The following BCAR3 variants were observed in gnomAD, a reference collection of about 807,000 sequenced individuals.
The protein encoded by BCAR3 is breast cancer anti-estrogen resistance protein 3.
A neutral mutation model predicts 80.1 loss-of-function variants in BCAR3; 37 were observed. The observed-to-expected ratio is 0.46, with a 90% confidence interval of 0.36 to 0.61. The LOEUF is 0.61. Among genes scored for constraint, BCAR3 ranks in the 20% least tolerant of loss-of-function variants. The pLI is 0.00. For missense variants in BCAR3, 978 were observed against 1,068.2 expected (o/e 0.92, Z 1.18); for synonymous variants, 389 against 418.9 (o/e 0.93, Z 0.87).
At chr1:93,763,300 G>A (rs11810655) in intron 2 of BCAR3, among the ~76,000 whole-genome samples, 2,716 of 152,216 alleles carry the variant, frequency 0.018, 71 homozygotes, top group African/African-American at 0.062. Flanking sequence ...CTTGCCTCAC[G>A]TGATCCTCCT....
rs556397355 is a variant in BCAR3 at position 93,649,252 on chromosome 1, G to A, written c.318-6909C>T. Among the ~76,000 whole-genome samples, 6 of 152,280 alleles carry A rather than the reference G, an allele frequency of 3.9e-5. No individual in the cohort carries two copies. In the East Asian group the frequency reaches 9.6e-4, roughly 24 times the overall value. ...GGAGTTCACCCAGGGGTGGGTTGGG[G>A]GACATCTTGAGTGCTGGGTCTGCAC... On this transcript the variant is annotated intron_variant, in intron 2 of 11. Transcript: ENST00000260502.
chr1:93,653,554 G>A (rs116602304), intron 2 of BCAR3, among the ~76,000 whole-genome samples: 3,439 of 152,256 alleles, frequency 0.023, 127 homozygotes, highest in African/African-American at 0.078. Flanking sequence ...ACATCATCAA[G>A]CATCTATAAT....
intron 2 of BCAR3, among the ~76,000 whole-genome samples, chr1:93,716,311 A>G (rs376578748): frequency 2.3e-4 from 35 of 152,370 alleles, no homozygotes; most frequent in African/African-American, 8.4e-4. Context: ...CAAAGCCTAA[A>G]ATAGCAATAG....
intron 2 of BCAR3, among the ~76,000 whole-genome samples, chr1:93,737,440 C>A (rs1324527882): frequency 6.6e-6 from 1 of 152,090 alleles, no homozygotes. Flanking sequence ...AGGGAAGAAG[C>A]CATGTGACAA....
intron 2 of BCAR3, among the ~76,000 whole-genome samples, chr1:93,713,409 T>C (rs1417039569): frequency 6.6e-6 from 1 of 152,210 alleles, no homozygotes; most frequent in Non-Finnish European, 1.5e-5. Flanking sequence ...GATTCTTTCC[T>C]GGACCTCTGC....
intron 2 of BCAR3, among the ~76,000 whole-genome samples, chr1:93,769,378 T>C (rs1652274426): frequency 1.3e-5 from 2 of 149,436 alleles, no homozygotes; most frequent in East Asian, 2.0e-4. Flanking sequence ...TGTGTGTGTG[T>C]GTGTGTGTGT....
Position 93,675,203 on chromosome 1 carries a change from G to A in BCAR3, c.-11-262C>T, listed in dbSNP as rs987476014. 7.2e-5 allele frequency among the ~76,000 whole-genome samples: 11 copies of A among 152,274 alleles called. No homozygotes were observed. The South Asian group carries it at 2.3e-3, about 32-fold the overall frequency. On this transcript the variant is annotated intron_variant, in intron 1 of 11. Transcript: ENST00000260502. ...GCAAACACTTTCAGAGTTGTTAGAG[G>A]CATATAAGCCATGCACAACCAGCAA... is the stretch of plus-strand genomic sequence containing the variant.
At chr1:93,835,143 A>G (rs1654717304) in intron 2 of BCAR3, among the ~76,000 whole-genome samples, 1 of 152,138 alleles carries the variant, frequency 6.6e-6, no homozygotes, top group South Asian at 2.1e-4. Context: ...ATCAACATTT[A>G]TACTGATTCT....
intron 9 of BCAR3, 184 bp from the exon 10 acceptor site, chr1:93,568,035 A>C: frequency 2.0e-6 from 1 of 491,930 alleles, no homozygotes. Flanking sequence ...CAAATACAAA[A>C]ATTAGCCAGG....
chr1:93,593,792 T>C (rs1348056649), intron 3 of BCAR3, among the ~76,000 whole-genome samples: 1 of 152,196 alleles, frequency 6.6e-6, no homozygotes, highest in Non-Finnish European at 1.5e-5. Flanking sequence ...TCTCATCCTC[T>C]AGTGCTTCTT....
At chr1:93,700,150 C>T (rs1451697182) in intron 3 of BCAR3, among the ~76,000 whole-genome samples, 2 of 152,166 alleles carry the variant, frequency 1.3e-5, no homozygotes, top group East Asian at 3.9e-4. Flanking sequence ...TGCACTTCAC[C>T]CAGTTCAAAG....
intron 7 of BCAR3, among the ~76,000 whole-genome samples, chr1:93,579,921 C>T (rs922116022): frequency 6.6e-6 from 1 of 152,230 alleles, no homozygotes; most frequent in Non-Finnish European, 1.5e-5. Flanking sequence ...AGGTTAAGCT[C>T]GCTTTAAAGT....
At chr1:93,594,636 C>T (rs1473229013) in intron 3 of BCAR3, 1 of 152,258 alleles carries the variant, frequency 6.6e-6, no homozygotes, top group African/African-American at 2.4e-5. Context: ...AAATCCTAAC[C>T]CATATTGTGA....
intron 2 of BCAR3, among the ~76,000 whole-genome samples, chr1:93,810,221 A>G (rs1234123130): frequency 6.6e-6 from 1 of 151,248 alleles, no homozygotes; most frequent in Admixed American, 6.6e-5. Flanking sequence ...AATTGCTGTT[A>G]GAAGTTATCT....
At chr1:93,763,252 T>TG (rs1652018588) in intron 2 of BCAR3, among the ~76,000 whole-genome samples, 2 of 152,094 alleles carry the variant, frequency 1.3e-5, no homozygotes, top group Non-Finnish European at 2.9e-5. Flanking sequence ...TTTTTAGAGT[T>TG]GGGGTCTCAC....
At chr1:93,616,765 G>T (rs936250157) in intron 3 of BCAR3, among the ~76,000 whole-genome samples, 1 of 152,210 alleles carries the variant, frequency 6.6e-6, no homozygotes, top group African/African-American at 2.4e-5. Context: ...CGGGATAGGG[G>T]AGGGCATTTC....
intron 2 of BCAR3, among the ~76,000 whole-genome samples, chr1:93,714,521 T>A (rs891162728): frequency 6.6e-6 from 1 of 152,144 alleles, no homozygotes; most frequent in East Asian, 1.9e-4. Flanking sequence ...CAGCAGTCTG[T>A]CTCTAACATG....
intron 3 of BCAR3, among the ~76,000 whole-genome samples, chr1:93,613,655 C>G (rs1483204960): frequency 1.3e-5 from 2 of 152,224 alleles, no homozygotes; most frequent in Non-Finnish European, 2.9e-5. Flanking sequence ...GAGCCCTGTT[C>G]TGTGCCACTG....
intron 2 of BCAR3, among the ~76,000 whole-genome samples, chr1:93,749,572 G>C (rs1222394563): frequency 2.1e-5 from 3 of 144,058 alleles, no homozygotes; most frequent in Non-Finnish European, 3.0e-5. Context: ...CTGGGTGACA[G>C]AGCGAGACTC....
Sources: gnomAD v4.1 joint callset for allele counts (sites outside exome capture counted in the v4.1 genomes callset) on GRCh38, gnomAD v4.1.1 for gene constraint, MANE v1.5 for transcripts, NCBI Gene and HGNC (gene_info 2026-07-23, HGNC 2026-07-21) for gene names.